Variants in CTNND2 observed in about 807,000 individuals in gnomAD.
CTNND2 encodes catenin delta-2.
CTNND2 carries 22 observed loss-of-function variants against 144.4 expected under a neutral mutation model. The ratio of observed to expected loss-of-function variants is 0.15; its 90% CI spans 0.11 to 0.22. The LOEUF (loss-of-function observed/expected upper bound fraction) is 0.22, where lower values mean the gene tolerates loss of function less well. CTNND2 is among the 10% of genes least tolerant of loss of function. CTNND2 has a pLI of 1.00. For synonymous variants in CTNND2, 751 were observed against 695.6 expected, an observed-to-expected ratio of 1.08 and a Z score of -1.25; for missense variants, 1,353 against 1,618.8, an observed-to-expected ratio of 0.84 and a Z score of 2.82.
Position 11,098,706 on chromosome 5 carries a change from T to C in CTNND2, c.2506A>G (p.Lys836Glu). The C allele has an allele frequency of 6.2e-7, 1 of 1,614,160 alleles. No individual in the cohort carries two copies. The highest frequency in any genetic ancestry group is 8.5e-7 in the Non-Finnish European group (1 of 1,180,014). The change falls in exon 15 of 22, where the codon AAA becomes GAA. Residue 836 changes from lysine (K) to glutamate (E), a missense_variant. Coordinates refer to ENST00000304623, the MANE Select transcript of CTNND2 (RefSeq NM_001332.4). ...GPLPDCAEPPKGIQMLWHPSI... is the reference protein window; with the variant it reads ...GPLPDCAEPPEGIQMLWHPSI... ...GGGTGCCACAGCATCTGGATCCCTT[T>C]TGGTGGTTCAGCACAGTCTGGAAGA...
At position 11,009,464 on chromosome 5, in the gene CTNND2, G is replaced by A. The variant is rs114470371; in HGVS notation, c.3084+8510C>T. ...GATCACGCTGTCTCTCAAGCACACC[G>A]AGTTCTCAAAGATGTGATATCACCC... On this transcript the variant is annotated intron_variant, in intron 18 of 21. Transcript: ENST00000304623. Among the ~76,000 whole-genome samples the A allele has an allele frequency of 3.9e-3, 587 of 152,308 alleles. 3 individuals carry two copies. The highest frequency in any genetic ancestry group is 0.013 in the African/African-American group (554 of 41,556).
chr5:11,445,781 T>C (rs1429988082), intron 3 of CTNND2, among the ~76,000 whole-genome samples: 1 of 152,236 alleles, frequency 6.6e-6, no homozygotes, highest in African/African-American at 2.4e-5. Context: ...CTACATCACA[T>C]GTGGAGTTTC....
intron 7 of CTNND2, among the ~76,000 whole-genome samples, chr5:11,371,728 G>T (rs75840509): frequency 6.6e-6 from 1 of 152,106 alleles, no homozygotes; most frequent in Non-Finnish European, 1.5e-5. Context: ...TTACTTTGTT[G>T]TAATTAATTT....
chr5:11,580,074 A>G (rs1191246928), intron 2 of CTNND2, among the ~76,000 whole-genome samples: 1 of 152,158 alleles, frequency 6.6e-6, no homozygotes, highest in African/African-American at 2.4e-5. Flanking sequence ...GTTAAATCCT[A>G]TCCTACTCTA....
intron 9 of CTNND2, among the ~76,000 whole-genome samples, chr5:11,254,027 A>T (rs1020269692): frequency 2.5e-4 from 38 of 152,250 alleles, no homozygotes; most frequent in African/African-American, 8.7e-4. Flanking sequence ...TGACTAAAAA[A>T]ATGCTTTACA....
intron 15 of CTNND2, among the ~76,000 whole-genome samples, chr5:11,096,200 A>G (rs764766943): frequency 3.9e-5 from 6 of 152,086 alleles, no homozygotes; most frequent in Non-Finnish European, 7.4e-5. Context: ...AAGTTCTGGG[A>G]TACACGTGCA....
At chr5:11,287,632 A>G (rs1011045729) in intron 9 of CTNND2, among the ~76,000 whole-genome samples, 1 of 152,262 alleles carries the variant, frequency 6.6e-6, no homozygotes, top group Non-Finnish European at 1.5e-5. Context: ...TGCAGGAATA[A>G]CAGTCCATAT....
intron 12 of CTNND2, among the ~76,000 whole-genome samples, chr5:11,150,144 A>T (rs571482298): frequency 6.6e-6 from 1 of 151,788 alleles, no homozygotes; most frequent in African/African-American, 2.4e-5. Flanking sequence ...TTCCTATGAG[A>T]CCCCCACACT....
intron 8 of CTNND2, among the ~76,000 whole-genome samples, chr5:11,356,475 C>T (rs903406618): frequency 6.6e-6 from 1 of 151,986 alleles, no homozygotes; most frequent in South Asian, 2.1e-4. Flanking sequence ...ACAGATAATG[C>T]TGAGAAAACT....
chr5:11,579,427 A>G (rs1311413687), intron 2 of CTNND2, among the ~76,000 whole-genome samples: 1 of 152,222 alleles, frequency 6.6e-6, no homozygotes, highest in South Asian at 2.1e-4. Flanking sequence ...GCTTATTTTC[A>G]GTCATAAAGA....
intron 1 of CTNND2, among the ~76,000 whole-genome samples, chr5:11,807,903 A>G (rs1344492220): frequency 6.6e-6 from 1 of 152,170 alleles, no homozygotes; most frequent in African/African-American, 2.4e-5. Flanking sequence ...TGAGTAGGTT[A>G]TGTACTGTTC....
At chr5:11,161,837 G>A (rs1580455081) in intron 11 of CTNND2, among the ~76,000 whole-genome samples, 1 of 152,152 alleles carries the variant, frequency 6.6e-6, no homozygotes, top group Non-Finnish European at 1.5e-5. Flanking sequence ...ATATTTTGCT[G>A]TATGGTATAT....
At chr5:11,009,543 A>G (rs372130246) in intron 18 of CTNND2, among the ~76,000 whole-genome samples, 1 of 152,338 alleles carries the variant, frequency 6.6e-6, no homozygotes, top group African/African-American at 2.4e-5. Flanking sequence ...AATTGCCCCA[A>G]AGTAAGTGAG....
intron 8 of CTNND2, among the ~76,000 whole-genome samples, chr5:11,350,379 A>C (rs1355058550): frequency 6.6e-6 from 1 of 151,804 alleles, no homozygotes; most frequent in African/African-American, 2.4e-5. Flanking sequence ...ATATATAATT[A>C]TCTTAATTTT....
At chr5:11,832,329 T>C (rs1314968654) in intron 1 of CTNND2, among the ~76,000 whole-genome samples, 1 of 151,770 alleles carries the variant, frequency 6.6e-6, no homozygotes, top group Non-Finnish European at 1.5e-5. Context: ...TTCTTTGACA[T>C]ATATTGTCAA....
At chr5:11,221,382 A>G (rs993342173) in intron 10 of CTNND2, among the ~76,000 whole-genome samples, 5 of 152,230 alleles carry the variant, frequency 3.3e-5, no homozygotes, top group Non-Finnish European at 5.9e-5. Flanking sequence ...CAGGGTTATT[A>G]TGCATTTGTA....
chr5:11,424,632 T>C (rs986629361), intron 3 of CTNND2, among the ~76,000 whole-genome samples: 44 of 152,114 alleles, frequency 2.9e-4, no homozygotes, highest in African/African-American at 8.4e-4. Flanking sequence ...ATGTTTGGCA[T>C]GTCATAAAAA....
chr5:11,172,554 C>T (rs1760036755), intron 11 of CTNND2, among the ~76,000 whole-genome samples: 1 of 152,174 alleles, frequency 6.6e-6, no homozygotes, highest in Non-Finnish European at 1.5e-5. Flanking sequence ...AGTTCCTCTG[C>T]AGAGCTGGGA....
At chr5:11,356,770 A>C (rs1280003038) in intron 8 of CTNND2, among the ~76,000 whole-genome samples, 1 of 151,984 alleles carries the variant, frequency 6.6e-6, no homozygotes, top group African/African-American at 2.4e-5. Flanking sequence ...GATATTTAAA[A>C]ATGATACATC....
Sources: allele counts gnomAD v4.1 joint callset (sites outside exome capture counted in the v4.1 genomes callset), GRCh38; gene constraint gnomAD v4.1.1; transcripts MANE v1.5; gene names NCBI Gene and HGNC (gene_info 2026-07-23, HGNC 2026-07-21).